Variants in TOGARAM1 observed in about 807,000 individuals in gnomAD.
TOGARAM1 encodes TOG array regulator of axonemal microtubules protein 1.
In TOGARAM1, 100 loss-of-function variants were observed where a neutral mutation model predicts 166.6. That is an observed-to-expected ratio of 0.60 (90% CI 0.51 to 0.71). TOGARAM1 has a LOEUF of 0.71. TOGARAM1 is among the 30% of genes least tolerant of loss of function. The pLI is 0.00. For missense variants in TOGARAM1, 2,029 were observed against 2,102.7 expected (o/e 0.96, Z 0.69); for synonymous variants, 758 against 763.8 (o/e 0.99, Z 0.13).
rs769840369 is a variant in TOGARAM1 at position 44,963,673 on chromosome 14, C to T, written c.1252C>T (p.Leu418=). 3.7e-6 allele frequency: 6 copies of T among 1,613,398 alleles called. No individual in the cohort carries two copies. Among genetic ancestry groups the T allele is most frequent in the South Asian group, 1.1e-5 (1 of 91,086 alleles). Residue 418 remains leucine (L), a synonymous_variant, in exon 1 of 20, where the codon CTG becomes TTG. Transcript: ENST00000361462. ...AGTGGTGCATGGCACACTTGAAGTCCTGCATTTACTGGTTATTCGCCTTGG... is the reference window on the plus strand; with the variant it reads ...AGTGGTGCATGGCACACTTGAAGTCTTGCATTTACTGGTTATTCGCCTTGG... ...FKVVHGTLEV[L]HLLVIRLGEQ...
chr14:45,004,193 G>T lies in TOGARAM1; in HGVS notation c.2471G>T (p.Arg824Leu). Residue 824 changes from arginine (R) to leucine (L), a missense_variant, in exon 4 of 20, where the codon CGA (arginine) becomes CTA (leucine). By Grantham distance (102) the Arg-to-Leu change is moderately radical (BLOSUM62 -2). This residue lies in a region of TOGARAM1 where 1,453 missense variants were observed against 1,432.2 expected (regional missense o/e 1.01). Transcript: ENST00000361462. Reference protein sequence around the residue: ...ILPSYPVSSPRTSPKHTSPLI... With the variant: ...ILPSYPVSSPLTSPKHTSPLI... Reference sequence around the variant, plus strand: ...CCATCCTATCCTGTCTCATCACCTCGAACTAGTCCAAAGCATACATCTCCT... The same window carrying T: ...CCATCCTATCCTGTCTCATCACCTCTAACTAGTCCAAAGCATACATCTCCT... The T allele has an allele frequency of 6.2e-7, 1 of 1,613,876 alleles. No homozygotes were observed. The highest frequency in any genetic ancestry group is 8.5e-7 in the Non-Finnish European group (1 of 1,179,954).
chr14:45,006,403 G>C, intron 5 of TOGARAM1, 136 bp downstream of exon 5: 1 of 640,772 alleles, frequency 1.6e-6, no homozygotes, highest in Non-Finnish European at 2.5e-6. Flanking sequence ...AGAAAATGTG[G>C]AAAATACCAT....
At chr14:44,970,961 CAT>C (rs919702855) in intron 1 of TOGARAM1, among the ~76,000 whole-genome samples, 6 of 152,138 alleles carry the variant, frequency 3.9e-5, no homozygotes, top group East Asian at 1.9e-4. Flanking sequence ...AGGATTTTCA[CAT>C]GTTTGTTCAT....
intron 1 of TOGARAM1, among the ~76,000 whole-genome samples, chr14:44,977,204 A>G (rs1472843556): frequency 6.6e-6 from 1 of 151,246 alleles, no homozygotes; most frequent in Non-Finnish European, 1.5e-5. Flanking sequence ...CTGAAGCCTT[A>G]GCATAAATTG....
chr14:45,045,539 GTGTGTA>G (rs1881947089), intron 13 of TOGARAM1, among the ~76,000 whole-genome samples: 2 of 12,014 alleles, frequency 1.7e-4, no homozygotes, highest in Non-Finnish European at 2.7e-4. Context: ...CATGGTCTGT[GTGTGTA>G]TATATATATA....
At chr14:45,000,798 G>GC (rs1887658958) in intron 3 of TOGARAM1, among the ~76,000 whole-genome samples, 1 of 152,094 alleles carries the variant, frequency 6.6e-6, no homozygotes, top group Non-Finnish European at 1.5e-5. Context: ...AGGCTGGAGT[G>GC]CAATGGCTCA....
chr14:45,039,496 G>T (rs966997739), intron 11 of TOGARAM1, among the ~76,000 whole-genome samples: 19 of 152,078 alleles, frequency 1.2e-4, no homozygotes, highest in Non-Finnish European at 2.4e-4. Flanking sequence ...GTGCTGAGGG[G>T]TGCCTGCAGG....
chr14:45,066,480 G>A (rs1011992456), intron 16 of TOGARAM1, 98 bp from the exon 17 acceptor site: 35 of 1,140,892 alleles, frequency 3.1e-5, no homozygotes, highest in Non-Finnish European at 4.8e-6. Context: ...TATGCATTTT[G>A]GAAAATGAAT....
intron 16 of TOGARAM1, among the ~76,000 whole-genome samples, chr14:45,062,037 A>G (rs971264627): frequency 1.3e-5 from 2 of 152,134 alleles, no homozygotes; most frequent in African/African-American, 2.4e-5. Flanking sequence ...GACTTGTTTT[A>G]TGGCCCAGCA....
chr14:45,028,241 A>G lies in TOGARAM1; in HGVS notation c.3570A>G (p.Glu1190=). Residue 1190 remains glutamate, a synonymous_variant, in exon 10 of 20, where the codon GAA becomes GAG. Transcript: ENST00000361462. ...KMRQKRKEEK[E]LFHNKDCEKK... ...GACAAAAGAGAAAAGAAGAGAAAGA[A>G]CTGTTTCACAATAAAGATTGTGAAA... 1 of 1,605,078 alleles carries G rather than the reference A, an allele frequency of 6.2e-7. No homozygotes were observed. Among genetic ancestry groups the G allele is most frequent in the African/African-American group, 1.3e-5 (1 of 74,258 alleles).
At chr14:45,055,578 G>C (rs1882588479) in intron 16 of TOGARAM1, among the ~76,000 whole-genome samples, 1 of 152,034 alleles carries the variant, frequency 6.6e-6, no homozygotes, top group South Asian at 2.1e-4. Flanking sequence ...GCTGAGGCGG[G>C]TGGATCACGA....
intron 18 of TOGARAM1, 127 bp from the exon 19 acceptor site, chr14:45,071,584 AG>A (rs1883383942): frequency 1.8e-6 from 1 of 540,688 alleles, no homozygotes; most frequent in Non-Finnish European, 3.2e-6. Flanking sequence ...GTGATTATGT[AG>A]ATTTTTAAAG....
At chr14:45,056,086 T>C (rs912506778) in intron 16 of TOGARAM1, among the ~76,000 whole-genome samples, 2 of 152,000 alleles carry the variant, frequency 1.3e-5, no homozygotes, top group Non-Finnish European at 2.9e-5. Context: ...AGAGATCTTT[T>C]ACCTCCTTGG....
chr14:44,981,188 GA>G (rs1473116976), intron 1 of TOGARAM1, among the ~76,000 whole-genome samples: 1 of 152,166 alleles, frequency 6.6e-6, no homozygotes, highest in Non-Finnish European at 1.5e-5. Context: ...ACTTGAATTA[GA>G]AGACTGTTAT....
At chr14:45,045,543 GTATATATATATATATATATA>G (rs375962126) in intron 13 of TOGARAM1, among the ~76,000 whole-genome samples, 1 of 38,922 alleles carries the variant, frequency 2.6e-5, no homozygotes, top group African/African-American at 9.2e-5. Flanking sequence ...GTCTGTGTGT[GTATATATATATATATATATA>G]TATATATATA....
chr14:44,985,255 G>A (rs996445144), intron 1 of TOGARAM1, among the ~76,000 whole-genome samples: 8 of 152,146 alleles, frequency 5.3e-5, no homozygotes, highest in East Asian at 1.9e-4. Context: ...TTTGTGAACC[G>A]CCCGTCTCGG....
At chr14:45,036,122 C>T (rs1594677916) in intron 11 of TOGARAM1, among the ~76,000 whole-genome samples, 1 of 121,354 alleles carries the variant, frequency 8.2e-6, no homozygotes, top group African/African-American at 3.3e-5. Context: ...AGAACAAGAC[C>T]TTGTCTCTAA....
intron 16 of TOGARAM1, among the ~76,000 whole-genome samples, chr14:45,062,680 TA>T (rs1011406976): frequency 6.6e-6 from 1 of 152,196 alleles, no homozygotes; most frequent in Non-Finnish European, 1.5e-5. Context: ...ACTTTCAGTA[TA>T]ATATTCAATA....
At position 45,073,393 on chromosome 14, in the gene TOGARAM1, C is replaced by T. The variant is rs538457133; in HGVS notation, c.5154C>T (p.Gly1718=). The T allele has an allele frequency of 5.6e-6, 9 of 1,614,130 alleles. No individual in the cohort carries two copies. In the South Asian group the frequency reaches 8.8e-5, roughly 16 times the overall value. The change falls in exon 20 of 20, where the codon GGC becomes GGT. Residue 1718 remains glycine (G), a synonymous_variant. Transcript: ENST00000361462. ...TCTTAGGAAATATGACAAATAGTGG[C>T]TCTCTGCCTGGAGCTGGAGGAAATA... ...WHLLGNMTNS[G]SLPGAGGNIR...
Sources: gnomAD v4.1 joint callset for allele counts (sites outside exome capture counted in the v4.1 genomes callset) on GRCh38, gnomAD v4.1.1 for gene constraint, gnomAD v4.1.1 regional missense constraint, MANE v1.5 for transcripts, NCBI Gene and HGNC (gene_info 2026-07-23, HGNC 2026-07-21) for gene names.